FBXL3: variants seen among roughly 807,000 people sequenced by gnomAD.
FBXL3 encodes F-box and leucine rich repeat protein 3, also known as F-box/LRR-repeat protein 3.
Under a neutral mutation model 37.9 loss-of-function variants are expected in FBXL3, and 14 were observed. The ratio of observed to expected loss-of-function variants is 0.37; its 90% CI spans 0.24 to 0.58. FBXL3 has a LOEUF of 0.58. FBXL3 is among the 20% of genes least tolerant of loss of function. The pLI is 0.74. For synonymous variants in FBXL3, 194 were observed against 180.1 expected (o/e 1.08, Z -0.62); for missense variants, 327 against 511.1 (o/e 0.64, Z 3.47).
At chr13:77,024,120 G>GA (rs1555276820) in intron 1 of FBXL3, among the ~76,000 whole-genome samples, 7 of 151,670 alleles carry the variant, frequency 4.6e-5, no homozygotes, top group Non-Finnish European at 8.8e-5. Flanking sequence ...CTTGAGATTA[G>GA]TTTTTTTTTA....
chr13:77,025,687 C>CAAA (rs35934318), intron 1 of FBXL3, among the ~76,000 whole-genome samples: 4,329 of 73,182 alleles, frequency 0.059, 406 homozygotes, highest in Admixed American at 0.11. Flanking sequence ...GTCCTTGTCT[C>CAAA]AAAAAAAAAA....
In FBXL3 at chr13:77,018,620, T is replaced by A; in HGVS notation, c.451A>T (p.Ser151Cys). 2 of 1,592,150 alleles carry A rather than the reference T, an allele frequency of 1.3e-6. No individual in the cohort carries two copies. Among genetic ancestry groups the A allele is most frequent in the Non-Finnish European group, 1.7e-6 (2 of 1,171,456 alleles). The change falls in exon 3 of 5, where the codon AGC becomes TGC. Residue 151 changes from serine to cysteine, a missense_variant. By Grantham distance (112) the Ser-to-Cys change is moderately radical (BLOSUM62 -1). Transcript: ENST00000355619. ...GATACCTTTGGTAAATCCATAAAGCTTGGTCGAGCAGTTGAAATAAGTCCA... is the reference window on the plus strand; with the variant it reads ...GATACCTTTGGTAAATCCATAAAGCATGGTCGAGCAGTTGAAATAAGTCCA... ...TLGLISTARP[S>C]FMDLPKSHFI... is the part of the protein sequence containing the mutation.
intron 3 of FBXL3, 57 bp downstream of exon 3, chr13:77,018,543 G>C: frequency 7.3e-7 from 1 of 1,374,680 alleles, no homozygotes; most frequent in South Asian, 1.8e-5. Flanking sequence ...AAAAAAAAAA[G>C]ATTAGACTTT....
chr13:77,010,136 G>A (rs925487380), intron 4 of FBXL3: 1 of 152,180 alleles, frequency 6.6e-6, no homozygotes, highest in Admixed American at 6.5e-5. Context: ...ATAGCATTAG[G>A]AGAAATACCT....
At chr13:77,025,995 A>C (rs1016178001) in intron 1 of FBXL3, among the ~76,000 whole-genome samples, 1 of 151,502 alleles carries the variant, frequency 6.6e-6, no homozygotes, top group Non-Finnish European at 1.5e-5. Flanking sequence ...ATCTGTCTAC[A>C]GGTCATATAG....
In FBXL3 at chr13:77,007,179, C is replaced by A; in HGVS notation, c.1253G>T (p.Arg418Met). Residue 418 changes from arginine to methionine, a missense_variant, in exon 5 of 5, where the codon AGG becomes ATG. Coordinates refer to ENST00000355619, the MANE Select transcript of FBXL3 (RefSeq NM_012158.4). ...GGGCATCATGTCGGGAAACCACACC[C>A]TACCAAGATGCTTGGACACTTCCCA... ...IHWEVSKHLGRVWFPDMMPTW is the reference protein window; with the variant it reads ...IHWEVSKHLGMVWFPDMMPTW 1 of 1,611,124 alleles carries A rather than the reference C, an allele frequency of 6.2e-7. No individual in the cohort carries two copies. The highest frequency in any genetic ancestry group is 8.5e-7 in the Non-Finnish European group (1 of 1,177,938).
At chr13:77,025,267 T>G (rs1438607376) in intron 1 of FBXL3, among the ~76,000 whole-genome samples, 1 of 152,184 alleles carries the variant, frequency 6.6e-6, no homozygotes, top group African/African-American at 2.4e-5. Flanking sequence ...TCTGGCAGTT[T>G]AATTTCCTGC....
In FBXL3 at chr13:77,021,644, G is replaced by C. The variant is rs2154037736; in HGVS notation, c.217C>G (p.Pro73Ala). 1 of 1,614,068 alleles carries C rather than the reference G, an allele frequency of 6.2e-7. No homozygotes were observed. The highest frequency in any genetic ancestry group is 8.5e-7 in the Non-Finnish European group (1 of 1,179,998). The change falls in exon 2 of 5, where the codon CCT (proline) becomes GCT (alanine). Residue 73 changes from proline to alanine, a missense_variant. By Grantham distance (27) the Pro-to-Ala change is conservative (BLOSUM62 -1). Transcript: ENST00000355619. ...CRNWNQVFHM[P>A]DLWRCFEFEL... ...AATTCAAAACATCTCCACAAGTCAG[G>C]CATGTGAAATACCTGGTTCCAGTTG... is the stretch of plus-strand genomic sequence containing the variant.
At chr13:77,024,403 G>A (rs1188642948) in intron 1 of FBXL3, among the ~76,000 whole-genome samples, 1 of 152,102 alleles carries the variant, frequency 6.6e-6, no homozygotes, top group Non-Finnish European at 1.5e-5. Flanking sequence ...GACAGTCTTT[G>A]CAATTTCTAC....
At chr13:77,018,532 C>CA (rs772886626) in intron 3 of FBXL3, 68 bp downstream of exon 3, 13,039 of 1,118,574 alleles carry the variant, frequency 0.012, 9 homozygotes, top group African/African-American at 0.024. Context: ...ACTGTCAATA[C>CA]AAAAAAAAAA....
intron 3 of FBXL3, 108 bp downstream of exon 3, chr13:77,018,492 A>G: frequency 4.1e-6 from 3 of 735,392 alleles, no homozygotes; most frequent in Non-Finnish European, 5.8e-6. Context: ...GTTTTCCATT[A>G]TGTATATATA....
intron 4 of FBXL3, among the ~76,000 whole-genome samples, chr13:77,011,276 G>A (rs920588962): frequency 3.4e-5 from 5 of 148,442 alleles, no homozygotes; most frequent in African/African-American, 1.3e-4. Context: ...GGAGGCGGAG[G>A]TTGCAGTGAG....
intron 1 of FBXL3, among the ~76,000 whole-genome samples, chr13:77,025,687 C>CAAAA (rs35934318): frequency 0.025 from 1,820 of 73,118 alleles, 117 homozygotes; most frequent in African/African-American, 0.083. Flanking sequence ...GTCCTTGTCT[C>CAAAA]AAAAAAAAAA....
rs2034472282 is a variant in FBXL3, at chr13:77,007,500, G to A, written c.932C>T (p.Thr311Ile). ...TACTGATCTCCCAAAGTACAGATGG[G>A]TGGCAGGTATTTCATAGCGAAAGAA... Reference protein sequence around the residue: ...DPFFRYEIPATHLYFGRSVSK... With the variant: ...DPFFRYEIPAIHLYFGRSVSK... The change falls in exon 5 of 5, where the codon ACC (threonine) becomes ATC (isoleucine). Residue 311 changes from threonine to isoleucine, a missense_variant. Thr to Ile is a moderately conservative substitution (Grantham distance 89, BLOSUM62 -1). Transcript: ENST00000355619. The A allele has an allele frequency of 6.2e-7, 1 of 1,613,980 alleles. No individual in the cohort carries two copies. Among genetic ancestry groups the A allele is most frequent in the South Asian group, 1.1e-5 (1 of 91,082 alleles).
chr13:77,025,714 T>C (rs1322741554), intron 1 of FBXL3, among the ~76,000 whole-genome samples: 1 of 102,728 alleles, frequency 9.7e-6, no homozygotes, highest in East Asian at 2.9e-4. Flanking sequence ...AAAAAAAAAC[T>C]TTGAAAGAAG....
chr13:77,007,532 A>C lies in FBXL3; in HGVS notation c.900T>G (p.Phe300Leu). 1 of 1,614,194 alleles carries C rather than the reference A, an allele frequency of 6.2e-7. No individual in the cohort carries two copies. The highest frequency in any genetic ancestry group is 8.5e-7 in the Non-Finnish European group (1 of 1,180,030). Residue 300 changes from phenylalanine (F) to leucine (L), a missense_variant, in exon 5 of 5, where the codon TTT becomes TTG. Physicochemically the swap from Phe to Leu is conservative, Grantham distance 22 (BLOSUM62 0). Coordinates refer to ENST00000355619, the MANE Select transcript of FBXL3 (RefSeq NM_012158.4). ...GTATTTCATAGCGAAAGAAGGGGTCAAATTCTTCTTCATATAAAAAAAAAT... is the reference window on the plus strand; with the variant it reads ...GTATTTCATAGCGAAAGAAGGGGTCCAATTCTTCTTCATATAAAAAAAAAT... Reference protein sequence around the residue: ...VMYFFLYEEEFDPFFRYEIPA... With the variant: ...VMYFFLYEEELDPFFRYEIPA...
chr13:77,007,850 A>G, intron 4 of FBXL3, 62 bp from the exon 5 acceptor site: 1 of 1,416,912 alleles, frequency 7.1e-7, no homozygotes, highest in Non-Finnish European at 9.5e-7. Flanking sequence ...GAAAAATTCA[A>G]TCAAGTACAT....
rs1311046429 is a variant in FBXL3 at position 77,026,964 on chromosome 13, C to T, written c.-139G>A. ...CGCAGCCGCGGCCCCCCGCGCTCCGCCCGCATCCGAGGCGCTGGTCCCGCG... is the reference window on the plus strand; with the variant it reads ...CGCAGCCGCGGCCCCCCGCGCTCCGTCCGCATCCGAGGCGCTGGTCCCGCG... On this transcript the variant is annotated 5_prime_UTR_variant, in exon 1 of 5. Coordinates refer to ENST00000355619, the MANE Select transcript of FBXL3 (RefSeq NM_012158.4). 1 of 151,830 alleles carries T rather than the reference C, an allele frequency of 6.6e-6. No individual in the cohort carries two copies. Among genetic ancestry groups the T allele is most frequent in the Non-Finnish European group, 1.5e-5 (1 of 67,958 alleles). 9.4% of individuals were successfully genotyped at this position (151,830 alleles called of 1,614,324 possible).
chr13:77,022,219 G>T (rs954454732), intron 1 of FBXL3, among the ~76,000 whole-genome samples: 2 of 152,176 alleles, frequency 1.3e-5, no homozygotes, highest in African/African-American at 4.8e-5. Flanking sequence ...AACCTACAGC[G>T]ATACTTTGTA....
Sources: gnomAD v4.1 joint callset for allele counts (sites outside exome capture counted in the v4.1 genomes callset) on GRCh38, gnomAD v4.1.1 for gene constraint, MANE v1.5 for transcripts, NCBI Gene and HGNC (gene_info 2026-07-23, HGNC 2026-07-21) for gene names.